ABCB11: variants seen among roughly 807,000 people sequenced by gnomAD.
ABCB11 encodes bile salt export pump.
ABCB11 carries 95 observed loss-of-function variants against 148.0 expected under a neutral mutation model. That is an observed-to-expected ratio of 0.64 (90% CI 0.54 to 0.76). The LOEUF (loss-of-function observed/expected upper bound fraction) is 0.76, where lower values mean the gene tolerates loss of function less well. ABCB11 is among the 30% of genes least tolerant of loss of function. The pLI, the probability that ABCB11 is intolerant of heterozygous loss-of-function variation, is 0.00. For missense variants in ABCB11, 1,523 were observed against 1,617.8 expected (o/e 0.94, Z 1.01); for synonymous variants, 591 against 555.4 (o/e 1.06, Z -0.90).
In ABCB11 at chr2:168,969,404, G is replaced by A; in HGVS notation, c.1957C>T (p.Leu653=). Residue 653 remains leucine (L), a synonymous_variant, in exon 16 of 28, where the codon CTA becomes TTA. Coordinates refer to ENST00000650372, the MANE Select transcript of ABCB11 (RefSeq NM_003742.4). ...LLERKGVYFT[L]VTLQSQGNQA... is the part of the protein sequence containing the mutation. Reference sequence around the variant, plus strand: ...TTTCCCTGGCTTTGCAAAGTCACTAGAGTGAAGTAAACACCTTTCCTTTCC... The same window carrying A: ...TTTCCCTGGCTTTGCAAAGTCACTAAAGTGAAGTAAACACCTTTCCTTTCC... The A allele has an allele frequency of 6.2e-7, 1 of 1,612,610 alleles. No homozygotes were observed.
At position 168,979,859 on chromosome 2, in the gene ABCB11, T is replaced by C; in HGVS notation, c.1197+7A>G. 2.5e-6 allele frequency: 4 copies of C among 1,592,050 alleles called. No homozygotes were observed. Among genetic ancestry groups the C allele is most frequent in the Non-Finnish European group, 3.4e-6 (4 of 1,163,402 alleles). On this transcript the variant is annotated splice_region_variant and intron_variant, in intron 11 of 27. Coordinates refer to ENST00000650372, the MANE Select transcript of ABCB11 (RefSeq NM_003742.4). ...GTTAATGGCCTTTACTTTTGGCTTA[T>C]ACATACCCTGTCTATTGTCTCAAAA...
downstream of ABCB11, among the ~76,000 whole-genome samples, chr2:168,920,724 T>A (rs750639744): frequency 1.3e-5 from 2 of 152,196 alleles, no homozygotes; most frequent in Non-Finnish European, 2.9e-5. Flanking sequence ...AGAGACCAAA[T>A]CTTTGTCAGC....
intron 19 of ABCB11, among the ~76,000 whole-genome samples, chr2:168,945,178 G>A (rs1317029677): frequency 6.6e-6 from 1 of 151,822 alleles, no homozygotes; most frequent in Non-Finnish European, 1.5e-5. Flanking sequence ...TCATTCTGGT[G>A]GGAGATGTTG....
rs139437960 is a variant in ABCB11 at position 168,974,614 on chromosome 2, CT to C, written c.1309-775del. 8.3e-3 allele frequency among the ~76,000 whole-genome samples: 1,269 copies of C among 152,002 alleles called. 5 individuals carry two copies. Among genetic ancestry groups the C allele is most frequent in the Non-Finnish European group, 0.013 (878 of 67,958 alleles). On this transcript the variant is annotated intron_variant, in intron 12 of 27. Transcript: ENST00000650372. Reference sequence around the variant, plus strand: ...CCAGAGCAAGCAGGCATCAAATGTGCTTTTTTATCATTATAGCACCAGTACA... The same window carrying C: ...CCAGAGCAAGCAGGCATCAAATGTGCTTTTTATCATTATAGCACCAGTACA...
intron 5 of ABCB11, among the ~76,000 whole-genome samples, chr2:169,002,283 A>C (rs1321607116): frequency 3.3e-5 from 5 of 152,164 alleles, no homozygotes; most frequent in Admixed American, 6.5e-5. Flanking sequence ...GGTTATTATA[A>C]AAAAGAAGGA....
In ABCB11 at chr2:168,932,569, T is replaced by A. The variant is rs771218375; in HGVS notation, c.3057-36A>T. 18 of 1,604,786 alleles carry A rather than the reference T, an allele frequency of 1.1e-5. No homozygotes were observed. In the African/African-American group the frequency reaches 2.1e-4, roughly 19 times the overall value. ...ACAGACACACAGGAAGAGAGCAGGG[T>A]GGCGTGGTTGGTGTGATGACCTGAA... On this transcript the variant is annotated intron_variant, in intron 23 of 27. Transcript: ENST00000650372.
chr2:168,944,639 G>C lies in ABCB11; in HGVS notation c.2576C>G (p.Thr859Arg), dbSNP rs1452420308. Reference sequence around the variant, plus strand: ...TTGGGAAGCATCTGTAGCAAGTCTTGTTGTCAATGCTCCAGGGCTATTTCT... The same window carrying C: ...TTGGGAAGCATCTGTAGCAAGTCTTCTTGTCAATGCTCCAGGGCTATTTCT... Reference protein sequence around the residue: ...DLRNSPGALTTRLATDASQVQ... With the variant: ...DLRNSPGALTRRLATDASQVQ... Residue 859 changes from threonine (T) to arginine (R), a missense_variant, in exon 21 of 28, where the codon ACA becomes AGA. Coordinates refer to ENST00000650372, the MANE Select transcript of ABCB11 (RefSeq NM_003742.4). The C allele has an allele frequency of 1.2e-6, 2 of 1,611,340 alleles. No individual in the cohort carries two copies. Among genetic ancestry groups the C allele is most frequent in the Non-Finnish European group, 1.7e-6 (2 of 1,178,572 alleles).
intron 19 of ABCB11, among the ~76,000 whole-genome samples, chr2:168,946,932 A>C (rs1439750433): frequency 6.6e-6 from 1 of 151,784 alleles, no homozygotes; most frequent in Non-Finnish European, 1.5e-5. Context: ...TGTCCAATTC[A>C]AGGTTGGGCA....
At position 169,010,959 on chromosome 2, in the gene ABCB11, A is replaced by G. The variant is rs182366646; in HGVS notation, c.389+2313T>C. 6.2e-4 allele frequency among the ~76,000 whole-genome samples: 94 copies of G among 152,340 alleles called. No homozygotes were observed. In the East Asian group the frequency reaches 0.016, roughly 25 times the overall value. The stretch of plus-strand genomic sequence containing the variant: ...GTATTACGTGAATTCAGCCAAAGCC[A>G]GTGGACTTCTGAAAGCCTCAGTTTG... On this transcript the variant is annotated intron_variant, in intron 5 of 27. Transcript: ENST00000650372.
chr2:168,953,459 T>A (rs907411272), intron 19 of ABCB11, among the ~76,000 whole-genome samples: 1 of 151,406 alleles, frequency 6.6e-6, no homozygotes, highest in Non-Finnish European at 1.5e-5. Flanking sequence ...TGTCTTTTTT[T>A]TTTTTTACTA....
intron 2 of ABCB11, among the ~76,000 whole-genome samples, chr2:168,915,709 G>A (rs1439343400): frequency 1.3e-5 from 2 of 152,182 alleles, no homozygotes; most frequent in Non-Finnish European, 2.9e-5. Flanking sequence ...GAAGAAAGGG[G>A]GAAGAGACTC....
intron 13 of ABCB11, 45 bp from the exon 14 acceptor site, chr2:168,972,095 G>T (rs369597690): frequency 1.9e-6 from 3 of 1,557,798 alleles, no homozygotes; most frequent in East Asian, 2.3e-5. Flanking sequence ...AATCTTTCAG[G>T]GTTCTGAATC....
At chr2:168,953,899 AC>A (rs1461433632) in intron 19 of ABCB11, among the ~76,000 whole-genome samples, 5 of 151,392 alleles carry the variant, frequency 3.3e-5, no homozygotes, top group African/African-American at 1.2e-4. Context: ...GACCTGGAAG[AC>A]CCCTCTCTGC....
intron 21 of ABCB11, among the ~76,000 whole-genome samples, chr2:168,944,381 A>C (rs1201558258): frequency 6.6e-6 from 1 of 151,992 alleles, no homozygotes; most frequent in Non-Finnish European, 1.5e-5. Context: ...CAAAACCCTG[A>C]CAGATTTTGG....
chr2:168,936,317 G>C lies in ABCB11; in HGVS notation c.2727C>G (p.Pro909=), dbSNP rs1031370012. 6.2e-7 allele frequency: 1 copy of C among 1,613,948 alleles called. No individual in the cohort carries two copies. The highest frequency in any genetic ancestry group is 1.1e-5 in the South Asian group (1 of 91,074). The part of the protein sequence containing the change: ...KLSLVILCFF[P]FLALSGATQT... ...GTGTGGCTCCTGATAAAGCCAAGAA[G>C]GGGAAGAAGCACAAGATGACCAGGC... The change falls in exon 22 of 28, where the codon CCC becomes CCG. Residue 909 remains proline, a synonymous_variant. Transcript: ENST00000650372.
chr2:169,013,230 T>G, intron 5 of ABCB11, 42 bp downstream of exon 5: 1 of 1,460,102 alleles, frequency 6.8e-7, no homozygotes. Context: ...CAATTTAAGA[T>G]ATGAGCAAAA....
In ABCB11 at chr2:168,924,791, T is replaced by C. The variant is rs762729346; in HGVS notation, c.3631A>G (p.Asn1211Asp). Residue 1211 changes from asparagine (N) to aspartate (D), a missense_variant, in exon 27 of 28, where the codon AAC becomes GAC. Physicochemically the swap from Asn to Asp is conservative, Grantham distance 23. Transcript: ENST00000650372. ...VMSLPEKYET[N>D]VGSQGSQLSR... ...AGTTGAGACCCCTGGGACCCAACGT[T>C]AGTTTCATATTTCTGAAAAAAAGTA... The C allele has an allele frequency of 2.9e-5, 47 of 1,611,970 alleles. No homozygotes were observed. In the South Asian group the frequency reaches 5.2e-4, roughly 18 times the overall value.
intron 19 of ABCB11, among the ~76,000 whole-genome samples, chr2:168,951,997 T>C (rs1216646531): frequency 6.6e-6 from 1 of 151,716 alleles, no homozygotes; most frequent in Non-Finnish European, 1.5e-5. Flanking sequence ...ATTGAAATGA[T>C]AATTTTTTCC....
chr2:168,944,587 TC>T lies in ABCB11; in HGVS notation c.2610+17del. On this transcript the variant is annotated intron_variant, in intron 21 of 27. Transcript: ENST00000650372. ...CCAATGCAGTTAATATACTTCTATT[TC>T]CCCTCCCATAGCTCACCCCTTGAAC... 1 of 1,573,462 alleles carries T rather than the reference TC, an allele frequency of 6.4e-7. No individual in the cohort carries two copies. The highest frequency in any genetic ancestry group is 8.6e-7 in the Non-Finnish European group (1 of 1,162,390).
Sources: allele counts gnomAD v4.1 joint callset (sites outside exome capture counted in the v4.1 genomes callset), GRCh38; gene constraint gnomAD v4.1.1; transcripts MANE v1.5; gene names NCBI Gene and HGNC (gene_info 2026-07-23, HGNC 2026-07-21).